CNTNAP2: variants seen among roughly 807,000 people sequenced by gnomAD.
CNTNAP2 encodes the protein contactin associated protein 2, also known as contactin-associated protein-like 2.
In CNTNAP2, 98 loss-of-function variants were observed where a neutral mutation model predicts 155.2. That is an observed-to-expected ratio of 0.63 (90% CI 0.54 to 0.75). The LOEUF (loss-of-function observed/expected upper bound fraction) is 0.75, where lower values mean the gene tolerates loss of function less well. Ranked by LOEUF, CNTNAP2 falls within the 30% of genes least tolerant of loss-of-function variation. The probability of loss-of-function intolerance (pLI) is 0.00; values close to 1 mark genes in which losing one functional copy is unlikely to be tolerated. For missense variants in CNTNAP2, 1,727 were observed against 1,688.1 expected, an observed-to-expected ratio of 1.02 and a Z score of -0.40; for synonymous variants, 651 against 631.2, an observed-to-expected ratio of 1.03 and a Z score of -0.47.
chr7:148,118,670 A>G (rs1290069367), intron 16 of CNTNAP2, among the ~76,000 whole-genome samples: 2 of 152,166 alleles, frequency 1.3e-5, no homozygotes, highest in Non-Finnish European at 2.9e-5. Flanking sequence ...GAGGAAAATC[A>G]TGTCAAGGTC....
intron 1 of CNTNAP2, among the ~76,000 whole-genome samples, chr7:146,485,214 A>G (rs1278664655): frequency 6.6e-6 from 1 of 152,168 alleles, no homozygotes; most frequent in Admixed American, 6.5e-5. Context: ...TTAAAAAAAT[A>G]AAACAGAGAG....
At chr7:146,292,474 G>A (rs1302131134) in intron 1 of CNTNAP2, among the ~76,000 whole-genome samples, 1 of 152,142 alleles carries the variant, frequency 6.6e-6, no homozygotes, top group Admixed American at 6.5e-5. Context: ...AAAGAAACAA[G>A]AGAACAAGTG....
chr7:146,166,932 C>T (rs965226348), intron 1 of CNTNAP2, among the ~76,000 whole-genome samples: 1 of 152,140 alleles, frequency 6.6e-6, no homozygotes, highest in Non-Finnish European at 1.5e-5. Flanking sequence ...AAAAAGAAGT[C>T]CGAAACCACA....
intron 15 of CNTNAP2, among the ~76,000 whole-genome samples, chr7:148,115,049 G>C (rs1281215845): frequency 6.6e-6 from 1 of 152,234 alleles, no homozygotes; most frequent in African/African-American, 2.4e-5. Context: ...TGATAATCCA[G>C]ATGTTTCCAG....
rs148211180 is a variant in CNTNAP2 at position 147,656,598 on chromosome 7, C to G, written c.2098+17292C>G. Among the ~76,000 whole-genome samples, 117 of 152,268 alleles carry G rather than the reference C, an allele frequency of 7.7e-4. No homozygotes were observed. In the East Asian group the frequency reaches 0.017, roughly 22 times the overall value. On this transcript the variant is annotated intron_variant, in intron 13 of 23. Transcript: ENST00000361727. ...CATAATTATCAATTAAGTTTGTCAT[C>G]TTCTATGGGCACAGTTAATGGCACT...
chr7:148,005,331 C>T (rs1016069209), intron 15 of CNTNAP2, among the ~76,000 whole-genome samples: 1 of 152,120 alleles, frequency 6.6e-6, no homozygotes, highest in Admixed American at 6.5e-5. Context: ...TCCCCAAAGG[C>T]CCCCCTTCTC....
chr7:146,160,121 A>G (rs1020181407), intron 1 of CNTNAP2, among the ~76,000 whole-genome samples: 22 of 152,230 alleles, frequency 1.4e-4, no homozygotes, highest in African/African-American at 5.3e-4. Flanking sequence ...GAAGGCAGAA[A>G]TAAAGATGTT....
At chr7:147,462,061 C>A (rs1290098721) in intron 10 of CNTNAP2, among the ~76,000 whole-genome samples, 6 of 151,946 alleles carry the variant, frequency 3.9e-5, no homozygotes, top group Non-Finnish European at 8.8e-5. Context: ...GCCTTTATAC[C>A]TAATTTTGCC....
chr7:148,263,625 T>C (rs1796601956), intron 20 of CNTNAP2, among the ~76,000 whole-genome samples: 1 of 151,208 alleles, frequency 6.6e-6, no homozygotes, highest in Non-Finnish European at 1.5e-5. Flanking sequence ...GAGTCCCAGC[T>C]ACTAGGGAGG....
At chr7:146,833,481 C>T (rs1361933115) in intron 2 of CNTNAP2, among the ~76,000 whole-genome samples, 1 of 152,086 alleles carries the variant, frequency 6.6e-6, no homozygotes, top group Non-Finnish European at 1.5e-5. Flanking sequence ...TGAAAGTGTA[C>T]CTTACATTAC....
chr7:147,815,904 ACT>A (rs986756897), intron 13 of CNTNAP2, among the ~76,000 whole-genome samples: 1 of 152,030 alleles, frequency 6.6e-6, no homozygotes, highest in African/African-American at 2.4e-5. Flanking sequence ...GCTCACCAGT[ACT>A]CTCTTTCAGC....
chr7:146,322,227 G>T (rs1801016685), intron 1 of CNTNAP2, among the ~76,000 whole-genome samples: 2 of 152,156 alleles, frequency 1.3e-5, no homozygotes, highest in Non-Finnish European at 2.9e-5. Flanking sequence ...GCATGTCACT[G>T]ATAGCTGCCT....
intron 16 of CNTNAP2, among the ~76,000 whole-genome samples, chr7:148,137,412 C>G (rs1305754736): frequency 6.6e-6 from 1 of 152,178 alleles, no homozygotes. Context: ...GTAATCCCAG[C>G]ACTTTGGGAG....
At chr7:146,723,976 C>T (rs1480604865) in intron 1 of CNTNAP2, among the ~76,000 whole-genome samples, 1 of 151,964 alleles carries the variant, frequency 6.6e-6, no homozygotes, top group Non-Finnish European at 1.5e-5. Context: ...AGTAATATGT[C>T]CTGTGCACTC....
At chr7:148,124,957 C>A (rs1172997929) in intron 16 of CNTNAP2, among the ~76,000 whole-genome samples, 1 of 151,914 alleles carries the variant, frequency 6.6e-6, no homozygotes, top group Non-Finnish European at 1.5e-5. Context: ...AGAGGCAATG[C>A]GAACAAAAAC....
At chr7:147,714,473 G>A (rs1796452113) in intron 13 of CNTNAP2, among the ~76,000 whole-genome samples, 1 of 151,410 alleles carries the variant, frequency 6.6e-6, no homozygotes, top group Admixed American at 6.7e-5. Flanking sequence ...AAAAAAAAAA[G>A]ACAAGAGGGA....
intron 2 of CNTNAP2, among the ~76,000 whole-genome samples, chr7:146,781,993 C>T (rs1802499971): frequency 6.6e-6 from 1 of 152,096 alleles, no homozygotes; most frequent in Non-Finnish European, 1.5e-5. Context: ...CATGACCGCC[C>T]GAATCAGCCA....
chr7:146,511,161 G>A (rs1003844252), intron 1 of CNTNAP2, among the ~76,000 whole-genome samples: 10 of 152,236 alleles, frequency 6.6e-5, no homozygotes, highest in African/African-American at 2.2e-4. Flanking sequence ...GCCTCCCAAA[G>A]TGCTGGGATT....
chr7:148,362,909 G>A lies in CNTNAP2; in HGVS notation c.3476-20740G>A, dbSNP rs936158727. On this transcript the variant is annotated intron_variant, in intron 21 of 23. Coordinates refer to ENST00000361727, the MANE Select transcript of CNTNAP2 (RefSeq NM_014141.6). ...AAGCAATACCCATTCAGTAGAAACCGTCCTTTGAGTACCCATACAACCACT... is the reference window on the plus strand; with the variant it reads ...AAGCAATACCCATTCAGTAGAAACCATCCTTTGAGTACCCATACAACCACT... 6.6e-5 allele frequency among the ~76,000 whole-genome samples: 10 copies of A among 152,204 alleles called. No homozygotes were observed. In the South Asian group the frequency reaches 1.0e-3, roughly 16 times the overall value.
Sources: gnomAD v4.1 joint callset for allele counts (sites outside exome capture counted in the v4.1 genomes callset) on GRCh38, gnomAD v4.1.1 for gene constraint, MANE v1.5 for transcripts, NCBI Gene and HGNC (gene_info 2026-07-23, HGNC 2026-07-21) for gene names.